Variants in ZC3H14 observed in about 807,000 individuals in gnomAD.
ZC3H14 encodes the protein zinc finger CCCH domain-containing protein 14.
ZC3H14 carries 31 observed loss-of-function variants against 92.4 expected under a neutral mutation model. The ratio of observed to expected loss-of-function variants is 0.34; its 90% CI spans 0.25 to 0.45. The LOEUF is 0.45. Among genes scored for constraint, ZC3H14 ranks in the 20% least tolerant of loss-of-function variants. The probability of loss-of-function intolerance (pLI) is 1.00; values close to 1 mark genes in which losing one functional copy is unlikely to be tolerated. For missense variants in ZC3H14, 781 were observed against 897.3 expected (o/e 0.87, Z 1.66); for synonymous variants, 321 against 300.9 (o/e 1.07, Z -0.69).
intron 9 of ZC3H14, 88 bp downstream of exon 9, chr14:88,578,228 A>C: frequency 6.7e-7 from 1 of 1,501,384 alleles, no homozygotes; most frequent in Non-Finnish European, 9.2e-7. Context: ...GAAATATTAC[A>C]CTATGAAAAA....
At chr14:88,583,011 A>G (rs1045956315) in intron 9 of ZC3H14, among the ~76,000 whole-genome samples, 1 of 148,982 alleles carries the variant, frequency 6.7e-6, no homozygotes, top group African/African-American at 2.5e-5. Flanking sequence ...TCTTGCCATC[A>G]GTCTGTCACT....
chr14:88,568,172 G>A lies in ZC3H14; in HGVS notation c.194+19G>A, dbSNP rs1313488086. The A allele has an allele frequency of 2.5e-6, 4 of 1,608,924 alleles. No homozygotes were observed. The highest frequency in any genetic ancestry group is 2.2e-5 in the East Asian group (1 of 44,782). On this transcript the variant is annotated intron_variant, in intron 3 of 16. Transcript: ENST00000251038. ...CCGTATGGTATGTTTCTGAATTTTTGTGCCTCAGACCAAAGTTTGGCACAA... is the reference window on the plus strand; with the variant it reads ...CCGTATGGTATGTTTCTGAATTTTTATGCCTCAGACCAAAGTTTGGCACAA...
At chr14:88,608,246 C>T (rs777800342) in intron 13 of ZC3H14, 17 of 482,848 alleles carry the variant, frequency 3.5e-5, no homozygotes, top group Non-Finnish European at 5.7e-5. Flanking sequence ...TCTCACCCTG[C>T]AAGTGAATAC....
intron 9 of ZC3H14, among the ~76,000 whole-genome samples, chr14:88,585,897 G>A (rs946908120): frequency 1.3e-5 from 2 of 152,098 alleles, no homozygotes; most frequent in Non-Finnish European, 2.9e-5. Flanking sequence ...GGCCGGGTGC[G>A]GTGGCTCATG....
chr14:88,563,536 C>G (rs1340254659), intron 1 of ZC3H14, 115 bp from the exon 2 acceptor site: 21 of 1,582,638 alleles, frequency 1.3e-5, no homozygotes, highest in Non-Finnish European at 1.8e-5. Context: ...TCCCAGCCCC[C>G]GCCCGGGGGA....
rs2081090148 is a variant in ZC3H14, at chr14:88,575,832, T to C, written c.1023-8T>C. On this transcript the variant is annotated splice_region_variant and splice_polypyrimidine_tract_variant and intron_variant, in intron 7 of 16. Transcript: ENST00000251038. ...GTTTAATAAAAATACCTTTCTTAAC[T>C]CTTTTAGACCTTCTCTTCCACCTTC... The C allele has an allele frequency of 6.2e-7, 1 of 1,608,608 alleles. No homozygotes were observed.
At chr14:88,595,030 G>T in intron 9 of ZC3H14, 1 of 1,613,592 alleles carries the variant, frequency 6.2e-7, no homozygotes, top group Non-Finnish European at 8.5e-7. Context: ...CAGACAGTTT[G>T]AAGATCAAGA....
intron 9 of ZC3H14, chr14:88,594,594 T>C: frequency 1.9e-6 from 3 of 1,555,736 alleles, no homozygotes; most frequent in East Asian, 4.6e-5. Flanking sequence ...TTGCTCTTAA[T>C]ACGTCTTAAG....
chr14:88,566,598 C>T (rs1210110038), intron 2 of ZC3H14, among the ~76,000 whole-genome samples: 1 of 152,094 alleles, frequency 6.6e-6, no homozygotes, highest in Non-Finnish European at 1.5e-5. Context: ...TTTCTGCCTG[C>T]ATAGAAATAT....
At chr14:88,579,669 A>G (rs964014931) in intron 9 of ZC3H14, among the ~76,000 whole-genome samples, 26 of 152,324 alleles carry the variant, frequency 1.7e-4, no homozygotes, top group African/African-American at 5.5e-4. Flanking sequence ...CACAAAATCA[A>G]CAGAAGAAGG....
In ZC3H14 at chr14:88,625,175, T is replaced by C. The variant is rs775485192; in HGVS notation, c.*13424T>C. 14 of 1,598,650 alleles carry C rather than the reference T, an allele frequency of 8.8e-6. No individual in the cohort carries two copies. Among genetic ancestry groups the C allele is most frequent in the East Asian group, 2.2e-5 (1 of 44,730 alleles). On this transcript the variant is annotated 3_prime_UTR_variant, in exon 17 of 17. Transcript: ENST00000251038. ...GAGACAAACTCATCAAAAGTTCAAA[T>C]AGAGTTTAAATAGATAATTTTCTAT...
chr14:88,616,062 C>A lies in ZC3H14; in HGVS notation c.*4311C>A. The A allele has an allele frequency of 6.7e-7, 1 of 1,488,636 alleles. No individual in the cohort carries two copies. Among genetic ancestry groups the A allele is most frequent in the Admixed American group, 1.7e-5 (1 of 58,950 alleles). The allele number at this position is 1,488,636 out of a possible 1,614,324, so 92.2% of individuals were successfully genotyped here. On this transcript the variant is annotated 3_prime_UTR_variant, in exon 17 of 17. Coordinates refer to ENST00000251038, the MANE Select transcript of ZC3H14 (RefSeq NM_024824.5). ...AATGTTGACTAGCTGATTTCATAAA[C>A]CAAAGCTGTAGGAGTTGTTGTATTA...
chr14:88,594,994 G>C (rs1390416680), intron 9 of ZC3H14: 5 of 1,613,854 alleles, frequency 3.1e-6, no homozygotes, highest in Non-Finnish European at 2.5e-6. Context: ...TAAAATGAAT[G>C]AATATTCAAC....
At chr14:88,594,717 T>C in intron 9 of ZC3H14, 1 of 1,614,016 alleles carries the variant, frequency 6.2e-7, no homozygotes, top group Non-Finnish European at 8.5e-7. Flanking sequence ...TTGAGGTTCC[T>C]GTCACCTTTA....
chr14:88,616,218 G>T lies in ZC3H14; in HGVS notation c.*4467G>T. The T allele has an allele frequency of 6.2e-7, 1 of 1,613,830 alleles. No individual in the cohort carries two copies. Among genetic ancestry groups the T allele is most frequent in the South Asian group, 1.1e-5 (1 of 91,034 alleles). On this transcript the variant is annotated 3_prime_UTR_variant, in exon 17 of 17. Coordinates refer to ENST00000251038, the MANE Select transcript of ZC3H14 (RefSeq NM_024824.5). ...CGAATATTTGTCACATGGGGCGAATGACCCAAGAACCTTTTGTGTTTTGCC... is the reference window on the plus strand; with the variant it reads ...CGAATATTTGTCACATGGGGCGAATTACCCAAGAACCTTTTGTGTTTTGCC...
In ZC3H14 at chr14:88,621,207, C is replaced by T. The variant is rs746162842; in HGVS notation, c.*9456C>T. 2.5e-6 allele frequency: 4 copies of T among 1,613,878 alleles called. No individual in the cohort carries two copies. Among genetic ancestry groups the T allele is most frequent in the Non-Finnish European group, 3.4e-6 (4 of 1,179,872 alleles). Reference sequence around the variant, plus strand: ...ATGTGTTGCTAGTCCCCAGATTGGCCCATCCACATGACCGTTAACTAAAAT... The same window carrying T: ...ATGTGTTGCTAGTCCCCAGATTGGCTCATCCACATGACCGTTAACTAAAAT... On this transcript the variant is annotated 3_prime_UTR_variant, in exon 17 of 17. Transcript: ENST00000251038.
At chr14:88,608,320 C>A (rs959153162) in intron 13 of ZC3H14, 3 of 485,328 alleles carry the variant, frequency 6.2e-6, no homozygotes. Context: ...GAATACCATC[C>A]CCATCTCATC....
chr14:88,602,701 C>T lies in ZC3H14; in HGVS notation c.1515-127C>T, dbSNP rs2084823357. The T allele has an allele frequency of 4.1e-6, 4 of 969,966 alleles. No homozygotes were observed. The Admixed American group carries it at 6.1e-5, about 15-fold the overall frequency. The allele number at this position is 969,966 out of a possible 1,614,324, so 60.1% of individuals were successfully genotyped here. On this transcript the variant is annotated intron_variant, in intron 11 of 16. Transcript: ENST00000251038. Reference sequence around the variant, plus strand: ...CCAGTGCTGCACCTGGTAGCCCTACCTAGTCTTTTTTTATTGAACCAAACG... The same window carrying T: ...CCAGTGCTGCACCTGGTAGCCCTACTTAGTCTTTTTTTATTGAACCAAACG...
In ZC3H14 at chr14:88,596,857, T is replaced by C. The variant is rs2083902731; in HGVS notation, c.1354+49T>C. 12 of 1,484,778 alleles carry C rather than the reference T, an allele frequency of 8.1e-6. No homozygotes were observed. In the East Asian group the frequency reaches 2.7e-4, roughly 34 times the overall value. The allele number at this position is 1,484,778 out of a possible 1,614,324, so 92.0% of individuals were successfully genotyped here. ...TGTAATCCAGCCATTTCAGTTGCCATTTCCATTTCTTACACCCCATTTAAC... is the reference window on the plus strand; with the variant it reads ...TGTAATCCAGCCATTTCAGTTGCCACTTCCATTTCTTACACCCCATTTAAC... On this transcript the variant is annotated intron_variant, in intron 10 of 16. Transcript: ENST00000251038.
Sources: gnomAD v4.1 joint callset for allele counts (sites outside exome capture counted in the v4.1 genomes callset) on GRCh38, gnomAD v4.1.1 for gene constraint, MANE v1.5 for transcripts, NCBI Gene and HGNC (gene_info 2026-07-23, HGNC 2026-07-21) for gene names.